Variants in DCC observed in about 807,000 individuals in gnomAD.
DCC encodes the protein DCC netrin 1 receptor.
DCC carries 58 observed loss-of-function variants against 172.5 expected under a neutral mutation model. The ratio of observed to expected loss-of-function variants is 0.34; its 90% CI spans 0.27 to 0.42. The LOEUF (loss-of-function observed/expected upper bound fraction) is 0.42, where lower values mean the gene tolerates loss of function less well. Ranked by LOEUF, DCC falls within the 10% of genes least tolerant of loss-of-function variation. The pLI, the probability that DCC is intolerant of heterozygous loss-of-function variation, is 1.00. For missense variants in DCC, 1,740 were observed against 1,791.0 expected, an observed-to-expected ratio of 0.97 and a Z score of 0.51; for synonymous variants, 709 against 644.5, an observed-to-expected ratio of 1.10 and a Z score of -1.52.
chr18:52,450,885 CAA>C (rs927877433), intron 1 of DCC, among the ~76,000 whole-genome samples: 64 of 152,062 alleles, frequency 4.2e-4, no homozygotes, highest in African/African-American at 1.5e-3. Flanking sequence ...CAAAAAAATC[CAA>C]AAAAGTATAT....
At chr18:52,390,585 C>G (rs1212425472) in intron 1 of DCC, among the ~76,000 whole-genome samples, 5 of 152,052 alleles carry the variant, frequency 3.3e-5, no homozygotes, top group African/African-American at 1.2e-4. Context: ...TGGCTTCCAC[C>G]TTTTATGCTA....
intron 2 of DCC, among the ~76,000 whole-genome samples, chr18:52,835,721 T>C (rs2081421947): frequency 6.6e-6 from 1 of 152,226 alleles, no homozygotes. Context: ...TATATTTCCA[T>C]TCCTTTAAAT....
At chr18:52,478,606 G>A (rs1484283166) in intron 1 of DCC, among the ~76,000 whole-genome samples, 1 of 152,212 alleles carries the variant, frequency 6.6e-6, no homozygotes, top group Non-Finnish European at 1.5e-5. Flanking sequence ...GAAGCATGCT[G>A]TTGGCATCTG....
chr18:53,119,638 T>C (rs149803145), intron 7 of DCC, among the ~76,000 whole-genome samples: 5 of 152,000 alleles, frequency 3.3e-5, no homozygotes, highest in Admixed American at 6.6e-5. Context: ...GCTATTTTCA[T>C]TGGGGGTTCT....
At chr18:53,375,962 G>T (rs1278877404) in intron 15 of DCC, among the ~76,000 whole-genome samples, 2 of 152,102 alleles carry the variant, frequency 1.3e-5, no homozygotes, top group Non-Finnish European at 2.9e-5. Context: ...ACTTAAAAAG[G>T]CACTCGGGTC....
intron 1 of DCC, among the ~76,000 whole-genome samples, chr18:52,413,109 T>C (rs1986896583): frequency 6.7e-6 from 1 of 149,056 alleles, no homozygotes; most frequent in Non-Finnish European, 1.5e-5. Flanking sequence ...GAGGCTTATA[T>C]GTTTTTTTTT....
chr18:52,535,998 A>G (rs919234753), intron 1 of DCC, among the ~76,000 whole-genome samples: 1 of 152,206 alleles, frequency 6.6e-6, no homozygotes, highest in Non-Finnish European at 1.5e-5. Context: ...GGTAGCTTTT[A>G]CACTGAGAAT....
chr18:53,288,668 G>A (rs958363734), intron 12 of DCC, among the ~76,000 whole-genome samples: 2 of 152,014 alleles, frequency 1.3e-5, no homozygotes, highest in South Asian at 2.1e-4. Flanking sequence ...GATGCAGAAC[G>A]ATTACATATC....
At chr18:52,450,893 T>C (rs528991400) in intron 1 of DCC, among the ~76,000 whole-genome samples, 9 of 152,258 alleles carry the variant, frequency 5.9e-5, no homozygotes, top group African/African-American at 2.2e-4. Context: ...TCCAAAAAAG[T>C]ATATTAATAA....
At chr18:53,382,401 TCACTGAAATGTTTTCTTCCTCCTA>T (rs1183610680) in intron 15 of DCC, among the ~76,000 whole-genome samples, 3 of 152,132 alleles carry the variant, frequency 2.0e-5, no homozygotes, top group African/African-American at 7.2e-5. Context: ...CACCATTTTT[TCACTGAAATGTTTTCTTCCTCCTA>T]TAGTGCTTCT....
chr18:53,301,992 G>T (rs2057147288), intron 12 of DCC, among the ~76,000 whole-genome samples: 1 of 152,100 alleles, frequency 6.6e-6, no homozygotes, highest in Non-Finnish European at 1.5e-5. Flanking sequence ...TCAATGTGTT[G>T]GCAGATTTGG....
intron 1 of DCC, among the ~76,000 whole-genome samples, chr18:52,696,159 G>A (rs1001947126): frequency 6.6e-6 from 1 of 152,112 alleles, no homozygotes; most frequent in Non-Finnish European, 1.5e-5. Context: ...AATGAATATG[G>A]TCTTTAAGAT....
chr18:53,348,013 C>A (rs2057744822), intron 15 of DCC, among the ~76,000 whole-genome samples: 2 of 152,030 alleles, frequency 1.3e-5, no homozygotes, highest in African/African-American at 2.4e-5. Context: ...TGCCCCTGGC[C>A]CCTCCCAAAT....
At chr18:53,072,536 T>C (rs1369370243) in intron 7 of DCC, among the ~76,000 whole-genome samples, 2 of 152,156 alleles carry the variant, frequency 1.3e-5, no homozygotes, top group Non-Finnish European at 2.9e-5. Context: ...TGGAGGGCCG[T>C]GGAACTGGGA....
chr18:53,488,371 T>A (rs2045925521), intron 26 of DCC, among the ~76,000 whole-genome samples: 1 of 152,144 alleles, frequency 6.6e-6, no homozygotes, highest in African/African-American at 2.4e-5. Context: ...CTAGACTCTA[T>A]TTATTTCAAA....
rs747103474 is a variant in DCC, at chr18:53,499,500, G to A, written c.4101G>A (p.Leu1367=). Residue 1367 remains leucine (L), a synonymous_variant, in exon 27 of 29, where the codon TTG becomes TTA. Coordinates refer to ENST00000442544, the MANE Select transcript of DCC (RefSeq NM_005215.4). Reference sequence around the variant, plus strand: ...CGAAAGTCCCTTACACACCACTTTTGTCTCAGCCAGGTAAAGTACTCGGTT... The same window carrying A: ...CGAAAGTCCCTTACACACCACTTTTATCTCAGCCAGGTAAAGTACTCGGTT... ...IEPKVPYTPL[L]SQPGPTLPKT... The A allele has an allele frequency of 1.9e-6, 3 of 1,613,640 alleles. No individual in the cohort carries two copies. The highest frequency in any genetic ancestry group is 2.2e-5 in the South Asian group (2 of 91,080).
intron 1 of DCC, among the ~76,000 whole-genome samples, chr18:52,627,344 G>A (rs2034593641): frequency 6.6e-6 from 1 of 152,130 alleles, no homozygotes; most frequent in Non-Finnish European, 1.5e-5. Context: ...TGAGTTGGGT[G>A]GTCAGTTAAT....
chr18:52,764,081 A>C (rs145346662), intron 2 of DCC, among the ~76,000 whole-genome samples: 180 of 152,350 alleles, frequency 1.2e-3, no homozygotes, highest in African/African-American at 4.2e-3. Context: ...TAATGACTTA[A>C]TCAAACGGTA....
At chr18:52,806,941 T>C (rs547270951) in intron 2 of DCC, among the ~76,000 whole-genome samples, 1 of 152,224 alleles carries the variant, frequency 6.6e-6, no homozygotes, top group South Asian at 2.1e-4. Flanking sequence ...ACGCCTGTAA[T>C]CCCAGCACTT....
Sources: gnomAD v4.1 joint callset for allele counts (sites outside exome capture counted in the v4.1 genomes callset) on GRCh38, gnomAD v4.1.1 for gene constraint, MANE v1.5 for transcripts, NCBI Gene and HGNC (gene_info 2026-07-23, HGNC 2026-07-21) for gene names.